Variants in MFSD6 observed in about 807,000 individuals in gnomAD.
The protein encoded by MFSD6 is major facilitator superfamily domain-containing protein 6.
MFSD6 carries 26 observed loss-of-function variants against 56.3 expected under a neutral mutation model. The ratio of observed to expected loss-of-function variants is 0.46; its 90% CI spans 0.34 to 0.64. The LOEUF (loss-of-function observed/expected upper bound fraction) is 0.64, where lower values mean the gene tolerates loss of function less well. Ranked by LOEUF, MFSD6 falls within the 30% of genes least tolerant of loss-of-function variation. The pLI is 0.01. For missense variants in MFSD6, 750 were observed against 986.2 expected, an observed-to-expected ratio of 0.76 and a Z score of 3.21; for synonymous variants, 331 against 366.9, an observed-to-expected ratio of 0.90 and a Z score of 1.12.
rs114876529 is a variant in MFSD6, at chr2:190,490,943, T to G, written c.1891+1077T>G. On this transcript the variant is annotated intron_variant, in intron 6 of 7. Transcript: ENST00000392328. The surrounding 1 kb of genome is among the most constrained non-coding windows in gnomAD (Gnocchi z 4.5). ...CTGTTTTTTCTTACTTTTGTTCTTT[T>G]ATAATCCTAAATGGATTCTCTCTCT... Among the ~76,000 whole-genome samples, 1 of 152,346 alleles carries G rather than the reference T, an allele frequency of 6.6e-6. No individual in the cohort carries two copies. The highest frequency in any genetic ancestry group is 2.4e-5 in the African/African-American group (1 of 41,576).
chr2:190,460,025 G>T (rs1280925452), intron 3 of MFSD6, among the ~76,000 whole-genome samples: 2 of 152,198 alleles, frequency 1.3e-5, no homozygotes, highest in Non-Finnish European at 2.9e-5. Flanking sequence ...GGTCCCTTCA[G>T]CTATGCTGTG....
intron 3 of MFSD6, among the ~76,000 whole-genome samples, chr2:190,466,120 T>C (rs1687592996): frequency 6.6e-6 from 1 of 152,216 alleles, no homozygotes; most frequent in Non-Finnish European, 1.5e-5. Flanking sequence ...GCTTGTGTCC[T>C]AATCTCTTGG....
rs973851510 is a variant in MFSD6 at position 190,454,901 on chromosome 2, T to G, written c.1533-14857T>G. On this transcript the variant is annotated intron_variant, in intron 3 of 7. Coordinates refer to ENST00000392328, the MANE Select transcript of MFSD6 (RefSeq NM_017694.4). This position sits in a 1 kb window ranked among gnomAD's most constrained non-coding sequence, Gnocchi z 4.6. ...GAGTCCGGCAACGGCAAACTTGTAT[T>G]TTTCTGTATGTATATGTGTTCCTGG... Among the ~76,000 whole-genome samples the G allele has an allele frequency of 1.3e-5, 2 of 151,070 alleles. No homozygotes were observed. Among genetic ancestry groups the G allele is most frequent in the Non-Finnish European group, 2.9e-5 (2 of 67,928 alleles).
chr2:190,450,154 A>AAT (rs1265220091), intron 3 of MFSD6, among the ~76,000 whole-genome samples: 1 of 152,202 alleles, frequency 6.6e-6, no homozygotes, highest in South Asian at 2.1e-4. Context: ...TATCTTGAGT[A>AAT]ATAGAGTGTC....
At position 190,439,374 on chromosome 2, in the gene MFSD6, A is replaced by G. The variant is rs1686291980; in HGVS notation, c.1532+1813A>G. On this transcript the variant is annotated intron_variant, in intron 3 of 7. Coordinates refer to ENST00000392328, the MANE Select transcript of MFSD6 (RefSeq NM_017694.4). The surrounding 1 kb of genome is among the most constrained non-coding windows in gnomAD (Gnocchi z 5.8). ...CTTTTTTTTCACGTTTTATTTGTTTATTTTTTTATTATACTTTAAGTTTTA... is the reference window on the plus strand; with the variant it reads ...CTTTTTTTTCACGTTTTATTTGTTTGTTTTTTTATTATACTTTAAGTTTTA... 6.6e-6 allele frequency among the ~76,000 whole-genome samples: 1 copy of G among 151,570 alleles called. No individual in the cohort carries two copies. Among genetic ancestry groups the G allele is most frequent in the South Asian group, 2.1e-4 (1 of 4,796 alleles).
At position 190,412,439 on chromosome 2, in the gene MFSD6, T is replaced by C; in HGVS notation, c.-175-2853T>C. The C allele has an allele frequency of 7.1e-6, 7 of 985,388 alleles. No individual in the cohort carries two copies. Among genetic ancestry groups the C allele is most frequent in the Non-Finnish European group, 8.4e-6 (7 of 829,906 alleles). 61.0% of individuals were successfully genotyped at this position (985,388 alleles called of 1,614,324 possible). A position where few individuals can be genotyped will look rare whatever the true frequency, so the allele number is the denominator to read the frequency against. On this transcript the variant is annotated intron_variant, in intron 1 of 7. Coordinates refer to ENST00000392328, the MANE Select transcript of MFSD6 (RefSeq NM_017694.4). The surrounding 1 kb of genome is among the most constrained non-coding windows in gnomAD (Gnocchi z 4.1). Reference sequence around the variant, plus strand: ...TTAGGAAACTTTGTTCAATAGGTTATCTTTAAAGGCAGAAATCAAGTGCAA... The same window carrying C: ...TTAGGAAACTTTGTTCAATAGGTTACCTTTAAAGGCAGAAATCAAGTGCAA...
At chr2:190,420,379 A>G (rs1226539244) in intron 2 of MFSD6, among the ~76,000 whole-genome samples, 4 of 151,884 alleles carry the variant, frequency 2.6e-5, no homozygotes, top group Non-Finnish European at 4.4e-5. Flanking sequence ...CTCCTCTTAT[A>G]AGGGCATTAA....
Position 190,437,671 on chromosome 2 carries a change from G to A in MFSD6, c.1532+110G>A. On this transcript the variant is annotated intron_variant, in intron 3 of 7. Transcript: ENST00000392328. This position sits in a 1 kb window ranked among gnomAD's most constrained non-coding sequence, Gnocchi z 5.9. ...GGTATTATAATTTGTGTTGAGGATA[G>A]GGTTGGAGTGGAAATGGGGATTTCT... The A allele has an allele frequency of 2.3e-6, 3 of 1,283,860 alleles. No homozygotes were observed. Among genetic ancestry groups the A allele is most frequent in the Non-Finnish European group, 3.2e-6 (3 of 946,496 alleles). 79.5% of individuals were successfully genotyped at this position (1,283,860 alleles called of 1,614,324 possible).
At chr2:190,453,313 T>C (rs1402894069) in intron 3 of MFSD6, among the ~76,000 whole-genome samples, 1 of 152,002 alleles carries the variant, frequency 6.6e-6, no homozygotes, top group African/African-American at 2.4e-5. Flanking sequence ...AAGAGGATCC[T>C]GGAGTTTGGA....
At chr2:190,444,926 A>T (rs1686517159) in intron 3 of MFSD6, 1 of 788,802 alleles carries the variant, frequency 1.3e-6, no homozygotes, top group African/African-American at 1.9e-5. Flanking sequence ...TGCACTATGT[A>T]TCTTGGTAAA....
chr2:190,462,413 T>C lies in MFSD6; in HGVS notation c.1533-7345T>C, dbSNP rs929409940. On this transcript the variant is annotated intron_variant, in intron 3 of 7. Coordinates refer to ENST00000392328, the MANE Select transcript of MFSD6 (RefSeq NM_017694.4). The surrounding 1 kb of genome is among the most constrained non-coding windows in gnomAD (Gnocchi z 5.7). ...CACCATCCAAAATGACAGTAGCTTG[T>C]TGAGAAATACTGTTTTCATGAGAGT... Among the ~76,000 whole-genome samples the C allele has an allele frequency of 4.6e-5, 7 of 152,180 alleles. No homozygotes were observed. Among genetic ancestry groups the C allele is most frequent in the African/African-American group, 1.7e-4 (7 of 41,458 alleles).
Position 190,415,852 on chromosome 2 carries a change from A to G in MFSD6, c.-54+439A>G, listed in dbSNP as rs143864415. Among the ~76,000 whole-genome samples, 155 of 152,312 alleles carry G rather than the reference A, an allele frequency of 1.0e-3. 1 individual carries two copies. The highest frequency in any genetic ancestry group is 3.6e-3 in the African/African-American group (151 of 41,564). ...TCTGGTCTCAATTGTAAACTCATAA[A>G]AGGTCTGAGAAAGAAGCACCCATAC... On this transcript the variant is annotated intron_variant, in intron 2 of 7. Coordinates refer to ENST00000392328, the MANE Select transcript of MFSD6 (RefSeq NM_017694.4). This position sits in a 1 kb window ranked among gnomAD's most constrained non-coding sequence, Gnocchi z 4.5.
chr2:190,478,425 C>A (rs540286566), intron 4 of MFSD6, among the ~76,000 whole-genome samples: 1 of 152,186 alleles, frequency 6.6e-6, no homozygotes, highest in Non-Finnish European at 1.5e-5. Context: ...ATGCCCACCC[C>A]ATGGAAAACA....
rs572188482 is a variant in MFSD6, at chr2:190,472,555, C to T, written c.1630+2700C>T. Among the ~76,000 whole-genome samples the T allele has an allele frequency of 5.8e-4, 88 of 152,194 alleles. No homozygotes were observed. In the South Asian group the frequency reaches 0.015, roughly 25 times the overall value. On this transcript the variant is annotated intron_variant, in intron 4 of 7. Coordinates refer to ENST00000392328, the MANE Select transcript of MFSD6 (RefSeq NM_017694.4). ...TTAGAGAAAAAAGAATAAAAAGAAA[C>T]GAACAAAGCCTCCAAGAAATATGGG...
At chr2:190,480,759 G>C (rs1688616518) in intron 4 of MFSD6, among the ~76,000 whole-genome samples, 2 of 152,218 alleles carry the variant, frequency 1.3e-5, no homozygotes, top group Non-Finnish European at 2.9e-5. Flanking sequence ...TTGAGTTATA[G>C]GAGAGGTTGA....
Position 190,485,749 on chromosome 2 carries a change from C to T in MFSD6, c.1631-2908C>T, listed in dbSNP as rs1325196722. On this transcript the variant is annotated intron_variant, in intron 4 of 7. Transcript: ENST00000392328. This position sits in a 1 kb window ranked among gnomAD's most constrained non-coding sequence, Gnocchi z 5.1. ...ATAAAGCAAACACGTTATTTGACTT[C>T]TTAGGAAATTAACTGTGTATGCTAC... is the stretch of plus-strand genomic sequence containing the variant. Among the ~76,000 whole-genome samples, 1 of 151,290 alleles carries T rather than the reference C, an allele frequency of 6.6e-6. No individual in the cohort carries two copies. Among genetic ancestry groups the T allele is most frequent in the African/African-American group, 2.4e-5 (1 of 41,140 alleles).
rs1163529655 is a variant in MFSD6, at chr2:190,417,106, G to A, written c.-54+1693G>A. 3.3e-5 allele frequency among the ~76,000 whole-genome samples: 5 copies of A among 152,076 alleles called. No homozygotes were observed. Among genetic ancestry groups the A allele is most frequent in the South Asian group, 2.1e-4 (1 of 4,818 alleles). ...ATTACCTATAAATCCTACAGTAGAT[G>A]TGAGAACAATCTCTAGAAGTAGAGG... On this transcript the variant is annotated intron_variant, in intron 2 of 7. Transcript: ENST00000392328. This position sits in a 1 kb window ranked among gnomAD's most constrained non-coding sequence, Gnocchi z 5.7.
intron 4 of MFSD6, among the ~76,000 whole-genome samples, chr2:190,475,079 C>T (rs1688210221): frequency 1.3e-5 from 2 of 152,082 alleles, no homozygotes; most frequent in South Asian, 4.1e-4. Flanking sequence ...ATAATAAGAG[C>T]TATCTATGAC....
intron 1 of MFSD6, among the ~76,000 whole-genome samples, chr2:190,409,793 T>C (rs1258456978): frequency 6.6e-6 from 1 of 152,226 alleles, no homozygotes; most frequent in Non-Finnish European, 1.5e-5. Context: ...TTGGGAAGCT[T>C]GGCTTTTGAC....
Sources: gnomAD v4.1 joint callset for allele counts (sites outside exome capture counted in the v4.1 genomes callset) on GRCh38, gnomAD v4.1.1 for gene constraint, Gnocchi (gnomAD v3.1) non-coding constraint, MANE v1.5 for transcripts, NCBI Gene and HGNC (gene_info 2026-07-23, HGNC 2026-07-21) for gene names.